Variants in PLCB1 observed in about 807,000 individuals in gnomAD.
PLCB1 encodes 1-phosphatidylinositol 4,5-bisphosphate phosphodiesterase beta-1.
In PLCB1, 46 loss-of-function variants were observed where a neutral mutation model predicts 161.8. The observed-to-expected ratio is 0.28, with a 90% confidence interval of 0.22 to 0.36. The LOEUF (loss-of-function observed/expected upper bound fraction) is 0.36. Ranked by LOEUF, PLCB1 falls within the 10% of genes least tolerant of loss-of-function variation. PLCB1 has a pLI of 1.00. For missense variants in PLCB1, 1,016 were observed against 1,472.5 expected, an observed-to-expected ratio of 0.69 and a Z score of 5.07; for synonymous variants, 517 against 503.7, an observed-to-expected ratio of 1.03 and a Z score of -0.35.
chr20:8,758,237 A>T (rs1412234988), intron 24 of PLCB1, among the ~76,000 whole-genome samples: 5 of 151,134 alleles, frequency 3.3e-5, no homozygotes, highest in Non-Finnish European at 5.9e-5. Flanking sequence ...AATTAAAAAA[A>T]AAAAAACCAA....
At chr20:8,156,116 G>C (rs2051558454) in intron 2 of PLCB1, among the ~76,000 whole-genome samples, 1 of 152,188 alleles carries the variant, frequency 6.6e-6, no homozygotes, top group Admixed American at 6.5e-5. Context: ...TGGCTGGCCA[G>C]TGCCTGCATT....
intron 31 of PLCB1, among the ~76,000 whole-genome samples, chr20:8,821,477 CAAAAA>C (rs548686757): frequency 1.0e-4 from 2 of 19,196 alleles, no homozygotes; most frequent in African/African-American, 2.4e-4. Context: ...GATTCCGTCT[CAAAAA>C]AAAAAAAAAA....
rs1988077933 is a variant in PLCB1, at chr20:8,883,777, G to A, written c.*1928G>A. 1 of 150,806 alleles carries A rather than the reference G, an allele frequency of 6.6e-6. No individual in the cohort carries two copies. The highest frequency in any genetic ancestry group is 1.5e-5 in the Non-Finnish European group (1 of 67,582). The allele number at this position is 150,806 out of a possible 1,614,324, so 9.3% of individuals were successfully genotyped here. ...ATTATATTTTGATCTGAAGGGTTTG[G>A]GGTGTTCATTAGACACTTAATAAAA... On this transcript the variant is annotated 3_prime_UTR_variant, in exon 32 of 32. Transcript: ENST00000338037.
chr20:8,763,841 C>G (rs965790781), intron 25 of PLCB1, among the ~76,000 whole-genome samples: 1 of 151,964 alleles, frequency 6.6e-6, no homozygotes, highest in Non-Finnish European at 1.5e-5. Context: ...AGGTCAGACT[C>G]TATCACATTC....
chr20:8,192,240 A>C (rs987739083), intron 2 of PLCB1, among the ~76,000 whole-genome samples: 2 of 152,054 alleles, frequency 1.3e-5, no homozygotes, highest in African/African-American at 4.8e-5. Flanking sequence ...CCATTAGAAT[A>C]ATCTGTTTAT....
chr20:8,654,816 T>A (rs1989411310), intron 7 of PLCB1, among the ~76,000 whole-genome samples: 1 of 152,104 alleles, frequency 6.6e-6, no homozygotes, highest in Admixed American at 6.6e-5. Context: ...ATTAGCTTTG[T>A]GAATTTCAGT....
intron 23 of PLCB1, among the ~76,000 whole-genome samples, chr20:8,742,116 A>G (rs766899024): frequency 6.0e-4 from 92 of 152,284 alleles, no homozygotes; most frequent in Non-Finnish European, 9.4e-4. Flanking sequence ...AGATGTCACA[A>G]TGCAAAGCAT....
At chr20:8,420,214 C>T (rs1463819641) in intron 3 of PLCB1, among the ~76,000 whole-genome samples, 3 of 152,068 alleles carry the variant, frequency 2.0e-5, no homozygotes, top group African/African-American at 7.2e-5. Context: ...ATGAGACAAT[C>T]AGGTGGAGAT....
intron 10 of PLCB1, among the ~76,000 whole-genome samples, chr20:8,688,842 C>A (rs2123408460): frequency 6.6e-6 from 1 of 152,146 alleles, no homozygotes; most frequent in Admixed American, 6.5e-5. Context: ...TTTTTTGGTT[C>A]CGTATGAATT....
chr20:8,627,791 A>G (rs1170705105), intron 3 of PLCB1, among the ~76,000 whole-genome samples: 6 of 152,170 alleles, frequency 3.9e-5, no homozygotes, highest in African/African-American at 9.6e-5. Context: ...AGGCACTACG[A>G]TTTTGCTCAC....
Position 8,446,231 on chromosome 20 carries a change from C to T in PLCB1, c.246+74781C>T, listed in dbSNP as rs569896493. Among the ~76,000 whole-genome samples, 3 of 152,298 alleles carry T rather than the reference C, an allele frequency of 2.0e-5. No homozygotes were observed. In the East Asian group the frequency reaches 5.8e-4, roughly 29 times the overall value. Reference sequence around the variant, plus strand: ...CACCATGATCAAGTGGGCTTCATCCCTGGGATGCAAGGCTGGTTCAACATA... The same window carrying T: ...CACCATGATCAAGTGGGCTTCATCCTTGGGATGCAAGGCTGGTTCAACATA... On this transcript the variant is annotated intron_variant, in intron 3 of 31. Transcript: ENST00000338037.
chr20:8,868,793 A>G (rs1987514000), intron 31 of PLCB1, among the ~76,000 whole-genome samples: 4 of 151,842 alleles, frequency 2.6e-5, no homozygotes, highest in Admixed American at 2.6e-4. Flanking sequence ...CACCACACGC[A>G]GCCAGTTTTT....
chr20:8,155,584 G>A (rs1314824980), intron 2 of PLCB1, among the ~76,000 whole-genome samples: 4 of 152,154 alleles, frequency 2.6e-5, no homozygotes, highest in Admixed American at 6.5e-5. Context: ...AAAATCTAGT[G>A]ATTTCCTATT....
intron 11 of PLCB1, among the ~76,000 whole-genome samples, chr20:8,706,138 A>T (rs185088286): frequency 1.1e-4 from 16 of 152,362 alleles, no homozygotes; most frequent in Admixed American, 3.3e-4. Flanking sequence ...TTTGGAATTC[A>T]TGTTGAAAGA....
In PLCB1 at chr20:8,302,002, C is replaced by T. The variant is rs561880966; in HGVS notation, c.178-69380C>T. The stretch of plus-strand genomic sequence containing the variant: ...TTCATACCTAAGATAGAATTGATAT[C>T]GGCAACTAACTCCTAGGTTTACTGG... On this transcript the variant is annotated intron_variant, in intron 2 of 31. Transcript: ENST00000338037. Among the ~76,000 whole-genome samples, 26 of 152,248 alleles carry T rather than the reference C, an allele frequency of 1.7e-4. No homozygotes were observed. In the South Asian group the frequency reaches 3.3e-3, roughly 19 times the overall value.
intron 3 of PLCB1, among the ~76,000 whole-genome samples, chr20:8,431,937 T>C (rs891301978): frequency 6.6e-6 from 1 of 152,028 alleles, no homozygotes; most frequent in Non-Finnish European, 1.5e-5. Context: ...ACTATCTGGG[T>C]GCTGGCAAGG....
chr20:8,344,857 A>G (rs1985942808), intron 2 of PLCB1, among the ~76,000 whole-genome samples: 1 of 152,224 alleles, frequency 6.6e-6, no homozygotes, highest in East Asian at 1.9e-4. Context: ...CAAATGTTTG[A>G]ACGTTCAGGA....
intron 23 of PLCB1, among the ~76,000 whole-genome samples, chr20:8,755,310 C>T (rs1309278344): frequency 6.6e-6 from 1 of 152,064 alleles, no homozygotes; most frequent in Non-Finnish European, 1.5e-5. Flanking sequence ...TATTATAGGT[C>T]AATTTTTCAT....
chr20:8,440,438 A>G (rs577006913), intron 3 of PLCB1, among the ~76,000 whole-genome samples: 1 of 152,334 alleles, frequency 6.6e-6, no homozygotes, highest in Non-Finnish European at 1.5e-5. Flanking sequence ...GAAGCAGGTC[A>G]AATGGGTCCC....
Sources: gnomAD v4.1 joint callset for allele counts (sites outside exome capture counted in the v4.1 genomes callset) on GRCh38, gnomAD v4.1.1 for gene constraint, MANE v1.5 for transcripts, NCBI Gene and HGNC (gene_info 2026-07-23, HGNC 2026-07-21) for gene names.